Variants in NRF1 observed in about 807,000 individuals in gnomAD.
NRF1 encodes the protein nuclear respiratory factor 1.
A neutral mutation model predicts 58.5 loss-of-function variants in NRF1; 5 were observed. The ratio of observed to expected loss-of-function variants is 0.09; its 90% CI spans 0.04 to 0.18. The LOEUF (loss-of-function observed/expected upper bound fraction) is 0.18. NRF1 is among the 10% of genes least tolerant of loss of function. The pLI is 1.00. For synonymous variants in NRF1, 224 were observed against 246.7 expected (o/e 0.91, Z 0.86); for missense variants, 288 against 657.7 (o/e 0.44, Z 6.15).
chr7:129,745,003 GA>G (rs34557264), intron 10 of NRF1, among the ~76,000 whole-genome samples: 19,384 of 148,198 alleles, frequency 0.13, 1,596 homozygotes, highest in Admixed American at 0.23. Context: ...AAAGTTTGAA[GA>G]AAAAAAAAAG....
intron 1 of NRF1, among the ~76,000 whole-genome samples, chr7:129,651,250 C>T (rs538217011): frequency 2.0e-5 from 3 of 151,938 alleles, no homozygotes; most frequent in Non-Finnish European, 2.9e-5. Context: ...GGTAAAACCC[C>T]GTCTCTGCTA....
intron 1 of NRF1, among the ~76,000 whole-genome samples, chr7:129,620,895 C>T (rs1800784139): frequency 6.6e-6 from 1 of 152,112 alleles, no homozygotes; most frequent in Admixed American, 6.6e-5. Flanking sequence ...TTTCTCCTTG[C>T]AAATTTTTTC....
intron 10 of NRF1, among the ~76,000 whole-genome samples, chr7:129,728,475 A>AAG (rs1803502124): frequency 1.4e-5 from 1 of 73,956 alleles, no homozygotes; most frequent in African/African-American, 5.2e-5. Flanking sequence ...TCTCAAAAAA[A>AAG]AAAAAAAAAA....
At chr7:129,703,642 C>T (rs79455061) in intron 5 of NRF1, among the ~76,000 whole-genome samples, 167 of 152,286 alleles carry the variant, frequency 1.1e-3, no homozygotes, top group African/African-American at 3.8e-3. Flanking sequence ...ACCCTTCATT[C>T]CCAAAATGTA....
chr7:129,656,661 G>C (rs1026411465), intron 1 of NRF1, among the ~76,000 whole-genome samples: 1 of 151,958 alleles, frequency 6.6e-6, no homozygotes, highest in Non-Finnish European at 1.5e-5. Flanking sequence ...TGCAACCTCT[G>C]CCTCCCGAGT....
chr7:129,709,165 TG>T lies in NRF1; in HGVS notation c.699del (p.Trp233CysfsTer33). On this transcript the variant is annotated frameshift_variant, in exon 6 of 11. Transcript: ENST00000393232. LOFTEE classifies it high-confidence loss of function. ...GWGKESCKPI[W>X]WPEDIPWANV... ...GGGGAAAGAAAGCTGCAAGCCCATC[TG>T]GTGGCCTGAAGATATCCCCTGGGCA... 6.3e-7 allele frequency: 1 copy of T among 1,594,222 alleles called. No individual in the cohort carries two copies. Among genetic ancestry groups the T allele is most frequent in the Non-Finnish European group, 8.6e-7 (1 of 1,169,028 alleles).
At chr7:129,652,498 TAATC>T (rs1801558841) in intron 1 of NRF1, among the ~76,000 whole-genome samples, 1 of 152,314 alleles carries the variant, frequency 6.6e-6, no homozygotes, top group Non-Finnish European at 1.5e-5. Context: ...TTTTTTAAAA[TAATC>T]AAATAATATA....
chr7:129,672,283 C>T (rs978631511), intron 3 of NRF1, among the ~76,000 whole-genome samples: 3 of 149,120 alleles, frequency 2.0e-5, no homozygotes, highest in African/African-American at 5.0e-5. Flanking sequence ...AAGCGATCCT[C>T]GTGCCTCAGC....
chr7:129,650,365 A>C (rs1466462374), intron 1 of NRF1, among the ~76,000 whole-genome samples: 1 of 151,864 alleles, frequency 6.6e-6, no homozygotes, highest in Non-Finnish European at 1.5e-5. Flanking sequence ...CATTTTGTGC[A>C]CTGTTGTGAA....
intron 9 of NRF1, among the ~76,000 whole-genome samples, chr7:129,724,361 A>G (rs1378832324): frequency 6.6e-6 from 1 of 152,260 alleles, no homozygotes; most frequent in Non-Finnish European, 1.5e-5. Flanking sequence ...GATGGCCACA[A>G]TCCAAAAAAC....
intron 1 of NRF1, among the ~76,000 whole-genome samples, chr7:129,643,758 G>T (rs1032999001): frequency 6.6e-6 from 1 of 152,166 alleles, no homozygotes; most frequent in Non-Finnish European, 1.5e-5. Context: ...CCAGACACAG[G>T]GTTGTAAGCT....
intron 10 of NRF1, among the ~76,000 whole-genome samples, chr7:129,736,631 CT>C (rs5887442): frequency 0.82 from 118,748 of 143,990 alleles, 49,813 homozygotes; most frequent in East Asian, 0.93. Context: ...GTATCTATAG[CT>C]TTTTTTTTTT....
chr7:129,687,597 A>G (rs918041086), intron 4 of NRF1, among the ~76,000 whole-genome samples: 3 of 152,076 alleles, frequency 2.0e-5, no homozygotes, highest in Admixed American at 6.6e-5. Flanking sequence ...TCTTAACAGA[A>G]ATTGTCATTG....
chr7:129,711,612 C>T, intron 8 of NRF1, 36 bp downstream of exon 8: 2 of 1,505,002 alleles, frequency 1.3e-6, no homozygotes, highest in Non-Finnish European at 1.8e-6. Context: ...TTCTTAAATA[C>T]TTGAATGTAT....
chr7:129,657,482 C>T lies in NRF1; in HGVS notation c.131C>T (p.Ser44Leu). The T allele has an allele frequency of 1.2e-6, 2 of 1,614,036 alleles. No homozygotes were observed. Among genetic ancestry groups the T allele is most frequent in the African/African-American group, 1.3e-5 (1 of 75,008 alleles). ...EHSMLSADEDSPSSPEDTSYD... is the reference protein window; with the variant it reads ...EHSMLSADEDLPSSPEDTSYD... ...AGTATGCTGAGTGCTGATGAAGACT[C>T]GCCTTCTTCTCCCGAGGACACCTCT... is the stretch of plus-strand genomic sequence containing the variant. Residue 44 changes from serine to leucine, a missense_variant, in exon 2 of 11, where the codon TCG becomes TTG. Around this residue, in one of 3 missense-constraint regions of NRF1, gnomAD observed 48 missense variants for 65.5 expected, o/e 0.73. Transcript: ENST00000393232.
chr7:129,682,015 A>AAGG (rs1802323506), intron 4 of NRF1, among the ~76,000 whole-genome samples: 1 of 152,002 alleles, frequency 6.6e-6, no homozygotes, highest in Non-Finnish European at 1.5e-5. Flanking sequence ...CCAGGAGATC[A>AAGG]AGGCTACAGT....
chr7:129,707,747 C>T (rs1802985384), intron 5 of NRF1, among the ~76,000 whole-genome samples: 1 of 151,996 alleles, frequency 6.6e-6, no homozygotes, highest in African/African-American at 2.4e-5. Flanking sequence ...ACTGTTGGGG[C>T]ATTGGGGGAC....
At chr7:129,730,479 A>C (rs1464077610) in intron 10 of NRF1, among the ~76,000 whole-genome samples, 1 of 152,328 alleles carries the variant, frequency 6.6e-6, no homozygotes, top group South Asian at 2.1e-4. Context: ...GTTTAAATCA[A>C]AATTGGAATA....
At chr7:129,616,248 GA>G (rs1421124547) in intron 1 of NRF1, among the ~76,000 whole-genome samples, 2 of 152,142 alleles carry the variant, frequency 1.3e-5, no homozygotes, top group African/African-American at 4.8e-5. Flanking sequence ...ATGACCCAAA[GA>G]AGGGCTAGAA....
Sources: allele counts gnomAD v4.1 joint callset (sites outside exome capture counted in the v4.1 genomes callset), GRCh38; gene constraint gnomAD v4.1.1; regional missense constraint gnomAD v4.1.1; transcripts MANE v1.5; gene names NCBI Gene and HGNC (gene_info 2026-07-23, HGNC 2026-07-21).